JAKMIP3: variants seen among roughly 807,000 people sequenced by gnomAD.
JAKMIP3 encodes janus kinase and microtubule-interacting protein 3.
Under a neutral mutation model 118.5 loss-of-function variants are expected in JAKMIP3, and 58 were observed. The ratio of observed to expected loss-of-function variants is 0.49; its 90% CI spans 0.40 to 0.61. The LOEUF (loss-of-function observed/expected upper bound fraction) is 0.61, where lower values mean the gene tolerates loss of function less well. JAKMIP3 is among the 20% of genes least tolerant of loss of function. JAKMIP3 has a pLI of 0.00. For missense variants in JAKMIP3, 950 were observed against 1,109.0 expected, an observed-to-expected ratio of 0.86 and a Z score of 2.04; for synonymous variants, 486 against 451.2, an observed-to-expected ratio of 1.08 and a Z score of -0.98.
At chr10:132,109,584 T>G (rs2046535487) in intron 2 of JAKMIP3, among the ~76,000 whole-genome samples, 1 of 152,210 alleles carries the variant, frequency 6.6e-6, no homozygotes, top group Non-Finnish European at 1.5e-5. Context: ...TCATTGCACC[T>G]GAGGGCCCTG....
chr10:132,174,356 A>G (rs892079111), intron 23 of JAKMIP3, among the ~76,000 whole-genome samples: 3 of 151,884 alleles, frequency 2.0e-5, no homozygotes, highest in Non-Finnish European at 4.4e-5. Context: ...AAACCCACAT[A>G]AGGTTCCTTG....
At chr10:132,173,563 G>A (rs1379695875) in intron 23 of JAKMIP3, among the ~76,000 whole-genome samples, 1 of 152,054 alleles carries the variant, frequency 6.6e-6, no homozygotes, top group African/African-American at 2.4e-5. Flanking sequence ...CCCTCCCTAG[G>A]GCTGCTCATT....
chr10:132,151,603 G>A (rs78850079), intron 16 of JAKMIP3, among the ~76,000 whole-genome samples: 15,657 of 152,250 alleles, frequency 0.1, 1,110 homozygotes, highest in Non-Finnish European at 0.14. Context: ...ACTGTATTGG[G>A]CAACTCTGAT....
rs578100823 is a variant in JAKMIP3 at position 132,112,883 on chromosome 10, T to C, written c.136-4194T>C. Among the ~76,000 whole-genome samples, 106 of 152,292 alleles carry C rather than the reference T, an allele frequency of 7.0e-4. 1 individual carries two copies. In the Middle Eastern group the frequency reaches 0.01, roughly 15 times the overall value. ...ATCCCCTCTCTCGCTCCCTCTGTCT[T>C]TCCCTTCTGCCCCCTTTGGCTGCTC... On this transcript the variant is annotated intron_variant, in intron 2 of 23. Transcript: ENST00000684848. The surrounding 1 kb of genome is among the most constrained non-coding windows in gnomAD (Gnocchi z 4.3).
exon 1 of JAKMIP3, among the ~76,000 whole-genome samples, chr10:132,036,713 C>T (rs1381807582): frequency 6.6e-6 from 1 of 150,802 alleles, no homozygotes; most frequent in Non-Finnish European, 1.5e-5. Flanking sequence ...TCGGACGCCG[C>T]CCAGAGTCGC....
chr10:132,066,573 A>G (rs2038817401), intron 1 of JAKMIP3, among the ~76,000 whole-genome samples: 1 of 152,160 alleles, frequency 6.6e-6, no homozygotes, highest in Admixed American at 6.5e-5. Flanking sequence ...AGAATAGGTC[A>G]TCTTTATGGC....
intron 2 of JAKMIP3, among the ~76,000 whole-genome samples, chr10:132,115,938 G>A (rs771339970): frequency 1.1e-4 from 16 of 152,210 alleles, no homozygotes; most frequent in Non-Finnish European, 1.9e-4. Context: ...GCATTGGGCC[G>A]GATGTGCTGG....
intron 23 of JAKMIP3, among the ~76,000 whole-genome samples, chr10:132,180,573 G>GCA (rs1487251003): frequency 2.1e-4 from 10 of 48,296 alleles, no homozygotes; most frequent in Non-Finnish European, 2.9e-4. Context: ...GTGTGCGTGT[G>GCA]TGTGTGCGTG....
At position 132,049,760 on chromosome 10, in the gene JAKMIP3, A is replaced by G. The variant is rs1211531168; in HGVS notation, c.-138+13022A>G. ...TGGCCTCCCAAAGTGCTGGGATTAC[A>G]GGAGTGAGCCACCCTTCCCAGCCCT... On this transcript the variant is annotated intron_variant, in intron 1 of 23. Transcript: ENST00000657785. The surrounding 1 kb of genome is among the most constrained non-coding windows in gnomAD (Gnocchi z 4.3). Among the ~76,000 whole-genome samples, 1 of 152,188 alleles carries G rather than the reference A, an allele frequency of 6.6e-6. No homozygotes were observed. Among genetic ancestry groups the G allele is most frequent in the African/African-American group, 2.4e-5 (1 of 41,440 alleles).
At chr10:132,124,519 C>T (rs936843184) in intron 3 of JAKMIP3, among the ~76,000 whole-genome samples, 3 of 150,220 alleles carry the variant, frequency 2.0e-5, no homozygotes, top group Admixed American at 1.3e-4. Context: ...ACCCATCCCA[C>T]CCCGGCACAT....
At chr10:132,098,550 G>A (rs1433608129) in intron 1 of JAKMIP3, among the ~76,000 whole-genome samples, 1 of 152,220 alleles carries the variant, frequency 6.6e-6, no homozygotes, top group Non-Finnish European at 1.5e-5. Context: ...TGTCCATCTT[G>A]AAGCATCTTT....
intron 3 of JAKMIP3, among the ~76,000 whole-genome samples, chr10:132,129,569 T>C (rs1014963700): frequency 3.9e-5 from 6 of 152,134 alleles, no homozygotes; most frequent in African/African-American, 1.4e-4. Context: ...CCTCTGCAGC[T>C]CGGGCTCTGT....
Position 132,137,299 on chromosome 10 carries a change from G to C in JAKMIP3, c.1284+10G>C, listed in dbSNP as rs756146371. ...CGTGAAGAGCGTGTTAGTAAGTATG[G>C]TCAGCGCCCGCTTCCCCACGCCTCC... is the stretch of plus-strand genomic sequence containing the variant. On this transcript the variant is annotated intron_variant, in intron 8 of 23. Coordinates refer to ENST00000684848, the MANE Select transcript of JAKMIP3 (RefSeq NM_001323087.2). The C allele has an allele frequency of 6.2e-7, 1 of 1,613,600 alleles. No individual in the cohort carries two copies. The highest frequency in any genetic ancestry group is 1.7e-5 in the Admixed American group (1 of 60,006).
At chr10:132,143,147 T>TGG (rs1189453501) in intron 11 of JAKMIP3, among the ~76,000 whole-genome samples, 1 of 147,458 alleles carries the variant, frequency 6.8e-6, no homozygotes, top group African/African-American at 2.6e-5. Context: ...TGAGTCGGGG[T>TGG]GGGGGGGGCT....
At chr10:132,108,928 C>T (rs971032541) in intron 2 of JAKMIP3, among the ~76,000 whole-genome samples, 12 of 148,226 alleles carry the variant, frequency 8.1e-5, no homozygotes, top group East Asian at 1.9e-4. Flanking sequence ...AAATTATATA[C>T]GCAAATGTAT....
intron 23 of JAKMIP3, among the ~76,000 whole-genome samples, chr10:132,170,979 G>A (rs1565002150): frequency 6.6e-6 from 1 of 152,236 alleles, no homozygotes; most frequent in African/African-American, 2.4e-5. Context: ...AGATGCTCGT[G>A]GAGGGCTGTC....
Position 132,117,295 on chromosome 10 carries a change from A to AGCC in JAKMIP3, c.354_355insGCC (p.Ala118dup). 2 of 1,613,980 alleles carry AGCC rather than the reference A, an allele frequency of 1.2e-6. No homozygotes were observed. The highest frequency in any genetic ancestry group is 1.7e-6 in the Non-Finnish European group (2 of 1,179,896). ...ACAACGAGAACCAGCGGCTGCAGGCACTGCTCAGTGCCCTGCGTGATGGCG... is the reference window on the plus strand; with the variant it reads ...ACAACGAGAACCAGCGGCTGCAGGCAGCCCTGCTCAGTGCCCTGCGTGATGGCG... On this transcript the variant is annotated inframe_insertion, in exon 3 of 24. Transcript: ENST00000684848. This position sits in a 1 kb window ranked among gnomAD's most constrained non-coding sequence, Gnocchi z 8.6.
At chr10:132,167,178 G>C (rs2058993505) in intron 22 of JAKMIP3, 123 bp downstream of exon 22, 5 of 712,242 alleles carry the variant, frequency 7.0e-6, no homozygotes. Context: ...CGATGACCCA[G>C]CATCCCCAAA....
At chr10:132,180,608 T>TGTGCGTGC (rs2060859533) in intron 23 of JAKMIP3, among the ~76,000 whole-genome samples, 2 of 28,422 alleles carry the variant, frequency 7.0e-5, no homozygotes, top group African/African-American at 3.8e-4. Context: ...CGTGCGCGTG[T>TGTGCGTGC]GTGTGTGCGT....
Sources: gnomAD v4.1 joint callset for allele counts (sites outside exome capture counted in the v4.1 genomes callset) on GRCh38, gnomAD v4.1.1 for gene constraint, Gnocchi (gnomAD v3.1) non-coding constraint, MANE v1.5 for transcripts, NCBI Gene and HGNC (gene_info 2026-07-23, HGNC 2026-07-21) for gene names.